RPL3L: variants seen among roughly 807,000 people sequenced by gnomAD.
RPL3L encodes the protein ribosomal protein L3 like, also known as ribosomal protein uL3-like.
RPL3L carries 44 observed loss-of-function variants against 44.5 expected under a neutral mutation model. The observed-to-expected ratio is 0.99, with a 90% CI of 0.78 to 1.27. The LOEUF (loss-of-function observed/expected upper bound fraction) is 1.27, where lower values mean the gene tolerates loss of function less well. Ranked by LOEUF, RPL3L falls within the 50% of genes most tolerant of loss-of-function variation. The pLI is 0.00. For synonymous variants in RPL3L, 292 were observed against 230.7 expected (o/e 1.27, Z -2.41); for missense variants, 631 against 569.1 (o/e 1.11, Z -1.11).
rs1328077549 is a variant in RPL3L, at chr16:1,947,872, GC to G, written c.502-493del. Among the ~76,000 whole-genome samples, 3 of 152,058 alleles carry G rather than the reference GC, an allele frequency of 2.0e-5. No individual in the cohort carries two copies. The East Asian group carries it at 5.8e-4, about 29-fold the overall frequency. ...AGACGGTGGGGAGCAAGGGGCGTGG[GC>G]CAGCACCTGGGAGTGGGGAGCTCGG... is the stretch of plus-strand genomic sequence containing the variant. On this transcript the variant is annotated intron_variant, in intron 4 of 9. Transcript: ENST00000268661.
rs150398830 is a variant in RPL3L, at chr16:1,944,284, G to C, written c.*553C>G. The C allele has an allele frequency of 6.5e-6, 1 of 154,168 alleles. No individual in the cohort carries two copies. Among genetic ancestry groups the C allele is most frequent in the East Asian group, 1.9e-4 (1 of 5,218 alleles). The allele number at this position is 154,168 out of a possible 1,614,324, so 9.6% of individuals were successfully genotyped here. On this transcript the variant is annotated 3_prime_UTR_variant, in exon 10 of 10. Transcript: ENST00000268661. ...CTGACCCTCCCTAAGCTGCCCCTAA[G>C]ATCAGTGCTTGAGATATTTTGCCGA...
At chr16:1,954,589 A>T in intron 1 of RPL3L, 40 bp downstream of exon 1, 1 of 1,500,590 alleles carries the variant, frequency 6.7e-7, no homozygotes, top group Admixed American at 2.1e-5. Context: ...CCAGAGTTCC[A>T]GCTCCAACCC....
At chr16:1,946,453 G>A (rs774198096) in intron 7 of RPL3L, among the ~76,000 whole-genome samples, 172 bp downstream of exon 7, 3 of 152,246 alleles carry the variant, frequency 2.0e-5, no homozygotes, top group South Asian at 2.1e-4. Context: ...TGTGCCTGGC[G>A]GGGCAGCGTC....
chr16:1,947,938 ATTTTTTTTTTTTT>A (rs1158555053), intron 4 of RPL3L, among the ~76,000 whole-genome samples: 2 of 109,998 alleles, frequency 1.8e-5, no homozygotes, highest in Non-Finnish European at 3.6e-5. Context: ...ATCTGATTGG[ATTTTTTTTTTTTT>A]TTTTTTTTTT....
chr16:1,947,494 G>T, intron 4 of RPL3L, 114 bp from the exon 5 acceptor site: 2 of 1,268,324 alleles, frequency 1.6e-6, no homozygotes, highest in African/African-American at 1.5e-5. Flanking sequence ...TCATTCACAG[G>T]TGTTCCCAGG....
At position 1,949,243 on chromosome 16, in the gene RPL3L, TG is replaced by T. The variant is rs1387427773; in HGVS notation, c.501+1600del. On this transcript the variant is annotated intron_variant, in intron 4 of 9. Transcript: ENST00000268661. ...GGTGTAAGCCACTGGGCCTGATTTT[TG>T]TTTTTTTTTTTTTTCTTTTTTTTTT... is the stretch of plus-strand genomic sequence containing the variant. Among the ~76,000 whole-genome samples the T allele has an allele frequency of 1.2e-3, 168 of 135,058 alleles. 3 individuals are homozygous for T. The highest frequency in any genetic ancestry group is 4.8e-3 in the African/African-American group (160 of 33,448). The allele number at this position is 135,058 out of a possible 152,430, so 88.6% of individuals were successfully genotyped here. A position where few individuals can be genotyped will look rare whatever the true frequency, so the allele number is the denominator to read the frequency against.
In RPL3L at chr16:1,953,031, G is replaced by A. The variant is rs766268562; in HGVS notation, c.208C>T (p.Arg70Trp). The change falls in exon 3 of 10, where the codon CGG (arginine) becomes TGG (tryptophan). Residue 70 changes from arginine to tryptophan, a missense_variant. Physicochemically the swap from Arg to Trp is moderately radical, Grantham distance 101. Transcript: ENST00000268661. ...VHRPGLKISKREEVEAVTIVE... is the reference protein window; with the variant it reads ...VHRPGLKISKWEEVEAVTIVE... ...ATTGTCACCGCCTCCACCTCCTCCC[G>A]TTTGGAAATTTCTGGATGAGACACA... 5.1e-5 allele frequency: 82 copies of A among 1,596,786 alleles called. No homozygotes were observed. Among genetic ancestry groups the A allele is most frequent in the South Asian group, 1.2e-4 (11 of 88,634 alleles).
rs1293161631 is a variant in RPL3L, at chr16:1,947,188, C to T, written c.688+6G>A. ...CCCTGGAGCTGCCATCCTCACTGAG[C>T]CCTACCTTTGACGCCTCGACCCTTG... On this transcript the variant is annotated splice_donor_region_variant and intron_variant, in intron 5 of 9. Coordinates refer to ENST00000268661, the MANE Select transcript of RPL3L (RefSeq NM_005061.3). 1 of 1,612,946 alleles carries T rather than the reference C, an allele frequency of 6.2e-7. No homozygotes were observed.
chr16:1,950,793 G>A, intron 4 of RPL3L, 51 bp downstream of exon 4: 1 of 1,612,464 alleles, frequency 6.2e-7, no homozygotes, highest in Non-Finnish European at 8.5e-7. Context: ...AAGCTGGGGT[G>A]AGGGAGCGTG....
In RPL3L at chr16:1,944,543, C is replaced by CAAAA. The variant is rs1332927269; in HGVS notation, c.*290_*293dup. ...CTGGGCGACAAGATCAAGACTCTCT[C>CAAAA]AAAAAAAAAAAAAAAAAAAACCTCT... On this transcript the variant is annotated 3_prime_UTR_variant, in exon 10 of 10. Coordinates refer to ENST00000268661, the MANE Select transcript of RPL3L (RefSeq NM_005061.3). The CAAAA allele has an allele frequency of 1.0e-4, 11 of 110,270 alleles. No homozygotes were observed. Among genetic ancestry groups the CAAAA allele is most frequent in the South Asian group, 8.7e-4 (6 of 6,900 alleles). 6.8% of individuals were successfully genotyped at this position (110,270 alleles called of 1,614,324 possible).
chr16:1,947,282 C>T lies in RPL3L; in HGVS notation c.600G>A (p.Arg200=). ...TGTGCACGGGCACCTGCTTCTCCAG[C>T]CGGGCCTGGGCCCAGGCCACCTTCT... The part of the protein sequence containing the change: ...VAEKVAWAQA[R]LEKQVPVHSV... The change falls in exon 5 of 10, where the codon CGG becomes CGA. Residue 200 remains arginine (R), a synonymous_variant. Transcript: ENST00000268661. The T allele has an allele frequency of 6.2e-7, 1 of 1,613,322 alleles. No homozygotes were observed. The highest frequency in any genetic ancestry group is 8.5e-7 in the Non-Finnish European group (1 of 1,179,880).
Position 1,954,012 on chromosome 16 carries a change from A to G in RPL3L, c.140T>C (p.Leu47Pro). 6.2e-7 allele frequency: 1 copy of G among 1,601,594 alleles called. No homozygotes were observed. Among genetic ancestry groups the G allele is most frequent in the Non-Finnish European group, 8.5e-7 (1 of 1,173,296 alleles). ...PSQPVHLTAF[L>P]GYKAGMTHTL... ...GTGGGTCATGCCCGCCTTGTAGCCCAGGAAGGCCGTGAGGTGCACGGGCTG... is the reference window on the plus strand; with the variant it reads ...GTGGGTCATGCCCGCCTTGTAGCCCGGGAAGGCCGTGAGGTGCACGGGCTG... Residue 47 changes from leucine to proline, a missense_variant, in exon 2 of 10, where the codon CTG becomes CCG. Leu to Pro is a moderately conservative substitution (Grantham distance 98, BLOSUM62 -3). Coordinates refer to ENST00000268661, the MANE Select transcript of RPL3L (RefSeq NM_005061.3).
intron 4 of RPL3L, among the ~76,000 whole-genome samples, chr16:1,949,244 G>GTTTTTTTGTT (rs2083149813): frequency 2.4e-5 from 2 of 81,958 alleles, no homozygotes; most frequent in Non-Finnish European, 2.6e-5. Context: ...CCTGATTTTT[G>GTTTTTTTGTT]TTTTTTTTTT....
chr16:1,950,947 G>C lies in RPL3L; in HGVS notation c.398C>G (p.Ala133Gly). The C allele has an allele frequency of 6.2e-7, 1 of 1,613,956 alleles. No homozygotes were observed. Among genetic ancestry groups the C allele is most frequent in the South Asian group, 1.1e-5 (1 of 91,082 alleles). ...HKSKKKAFTKACKRWRDTDGK... is the reference protein window; with the variant it reads ...HKSKKKAFTKGCKRWRDTDGK... ...GTCTGTGTCCCGCCACCTCTTGCAG[G>C]CCTTGGTGAAGGCTTTCTTCTTGCT... is the stretch of plus-strand genomic sequence containing the variant. Residue 133 changes from alanine to glycine, a missense_variant, in exon 4 of 10, where the codon GCC becomes GGC. Physicochemically the swap from Ala to Gly is moderately conservative, Grantham distance 60. Coordinates refer to ENST00000268661, the MANE Select transcript of RPL3L (RefSeq NM_005061.3).
intron 2 of RPL3L, among the ~76,000 whole-genome samples, chr16:1,953,583 T>C (rs1042678140): frequency 6.6e-5 from 10 of 152,148 alleles, no homozygotes; most frequent in African/African-American, 2.2e-4. Flanking sequence ...ACTATATACA[T>C]AGGCGTACAT....
At chr16:1,951,837 C>T (rs1401717500) in intron 3 of RPL3L, among the ~76,000 whole-genome samples, 4 of 150,716 alleles carry the variant, frequency 2.7e-5, no homozygotes, top group African/African-American at 4.9e-5. Context: ...ATTTGAGGCC[C>T]GAGAATACCT....
At position 1,947,182 on chromosome 16, in the gene RPL3L, A is replaced by G. The variant is rs919490520; in HGVS notation, c.688+12T>C. 9 of 1,612,490 alleles carry G rather than the reference A, an allele frequency of 5.6e-6. No homozygotes were observed. The highest frequency in any genetic ancestry group is 7.6e-6 in the Non-Finnish European group (9 of 1,179,376). ...AGCCTGCCCTGGAGCTGCCATCCTC[A>G]CTGAGCCCTACCTTTGACGCCTCGA... On this transcript the variant is annotated intron_variant, in intron 5 of 9. Coordinates refer to ENST00000268661, the MANE Select transcript of RPL3L (RefSeq NM_005061.3).
chr16:1,947,243 C>T lies in RPL3L; in HGVS notation c.639G>A (p.Gln213=), dbSNP rs1567309477. Residue 213 remains glutamine, a synonymous_variant, in exon 5 of 10, where the codon CAG becomes CAA. Transcript: ENST00000268661. The stretch of plus-strand genomic sequence containing the variant: ...CAGCAATGACATCAATGACCTCACT[C>T]TGGCTGAACACGCTGTGCACGGGCA... The part of the protein sequence containing the change: ...KQVPVHSVFS[Q]SEVIDVIAVT... 6 of 1,613,504 alleles carry T rather than the reference C, an allele frequency of 3.7e-6. No homozygotes were observed. The highest frequency in any genetic ancestry group is 1.7e-5 in the Admixed American group (1 of 59,990).
At chr16:1,951,076 G>A (rs2083169068) in intron 3 of RPL3L, 97 bp from the exon 4 acceptor site, 10 of 1,505,664 alleles carry the variant, frequency 6.6e-6, no homozygotes, top group Non-Finnish European at 8.0e-6. Context: ...CCAAGCAGGG[G>A]TCCTACCTCT....
Sources: allele counts gnomAD v4.1 joint callset (sites outside exome capture counted in the v4.1 genomes callset), GRCh38; gene constraint gnomAD v4.1.1; transcripts MANE v1.5; gene names NCBI Gene and HGNC (gene_info 2026-07-23, HGNC 2026-07-21).